The following ENTPD5 variants were observed in gnomAD, a reference collection of about 807,000 sequenced individuals.
The protein encoded by ENTPD5 is ectonucleoside triphosphate diphosphohydrolase 5 (inactive).
Under a neutral mutation model 60.2 loss-of-function variants are expected in ENTPD5, and 49 were observed. That is an observed-to-expected ratio of 0.81 (90% CI 0.65 to 1.03). The LOEUF (loss-of-function observed/expected upper bound fraction) is 1.03, where lower values mean the gene tolerates loss of function less well. Ranked by LOEUF, ENTPD5 falls within the 50% of genes least tolerant of loss-of-function variation. ENTPD5 has a pLI of 0.00. For synonymous variants in ENTPD5, 187 were observed against 185.4 expected, an observed-to-expected ratio of 1.01 and a Z score of -0.07; for missense variants, 480 against 507.6, an observed-to-expected ratio of 0.95 and a Z score of 0.52.
intron 3 of ENTPD5, among the ~76,000 whole-genome samples, chr14:73,998,615 A>G (rs922200626): frequency 3.3e-5 from 5 of 152,154 alleles, no homozygotes; most frequent in African/African-American, 1.2e-4. Flanking sequence ...AATTACCTCT[A>G]TAAAGTGAAA....
downstream of ENTPD5, chr14:73,961,926 G>A: frequency 6.2e-7 from 1 of 1,613,622 alleles, no homozygotes; most frequent in Non-Finnish European, 8.5e-7. Context: ...TCAGAGGAAT[G>A]ACTTTGCAAA....
At chr14:73,993,572 C>T (rs893018409) in intron 3 of ENTPD5, among the ~76,000 whole-genome samples, 1 of 152,226 alleles carries the variant, frequency 6.6e-6, no homozygotes, top group African/African-American at 2.4e-5. Flanking sequence ...CAGGTTCACA[C>T]TCTGGCTGAT....
intron 3 of ENTPD5, among the ~76,000 whole-genome samples, chr14:73,995,546 C>T (rs2058312014): frequency 6.6e-6 from 1 of 151,346 alleles, no homozygotes; most frequent in Non-Finnish European, 1.5e-5. Context: ...AAGTGTGCCA[C>T]TGCACTCCAG....
chr14:74,005,448 CCT>C (rs780411943), intron 3 of ENTPD5, among the ~76,000 whole-genome samples: 115 of 151,806 alleles, frequency 7.6e-4, no homozygotes, highest in Non-Finnish European at 1.4e-3. Flanking sequence ...CAATCCTCCA[CCT>C]TGGCCTCTCA....
intron 2 of ENTPD5, among the ~76,000 whole-genome samples, 157 bp downstream of exon 2, chr14:74,015,667 T>C (rs991229953): frequency 1.3e-5 from 2 of 152,142 alleles, no homozygotes; most frequent in African/African-American, 4.8e-5. Context: ...ATTCTATCTA[T>C]TTTGATACAT....
At chr14:74,003,106 C>T (rs1594940711) in intron 3 of ENTPD5, among the ~76,000 whole-genome samples, 2 of 152,200 alleles carry the variant, frequency 1.3e-5, no homozygotes, top group South Asian at 4.1e-4. Context: ...AACCTCTCAC[C>T]TTCACATGCT....
At chr14:74,009,270 G>A (rs1366888898) in intron 3 of ENTPD5, 1 of 152,210 alleles carries the variant, frequency 6.6e-6, no homozygotes, top group Non-Finnish European at 1.5e-5. Flanking sequence ...AATCTGAGGT[G>A]ATAAGCTCTG....
chr14:73,959,605 C>T (rs1006854552), downstream of ENTPD5: 8 of 1,603,610 alleles, frequency 5.0e-6, no homozygotes, highest in Admixed American at 1.2e-4. Context: ...GAAACGGATC[C>T]TTGCCAGGCT....
downstream of ENTPD5, chr14:73,956,052 C>T (rs530698001): frequency 2.1e-4 from 292 of 1,402,200 alleles, no homozygotes; most frequent in Middle Eastern, 1.1e-3. Context: ...TGGCCGGGTG[C>T]GGTGGCTCAC....
intron 5 of ENTPD5, among the ~76,000 whole-genome samples, chr14:73,984,677 TTTC>T (rs1385429524): frequency 1.1e-4 from 17 of 151,942 alleles, no homozygotes; most frequent in Non-Finnish European, 1.9e-4. Context: ...GCTCCTAATT[TTTC>T]TTTTTTAATT....
downstream of ENTPD5, chr14:73,958,301 T>C (rs2056540614): frequency 6.2e-7 from 1 of 1,613,532 alleles, no homozygotes; most frequent in Non-Finnish European, 8.5e-7. Flanking sequence ...CTTATTTTGC[T>C]AGGGGTCTTG....
In ENTPD5 at chr14:74,003,431, T is replaced by G. The variant is rs937501729; in HGVS notation, c.-71+7660A>C. 31 of 1,225,008 alleles carry G rather than the reference T, an allele frequency of 2.5e-5. No homozygotes were observed. In the African/African-American group the frequency reaches 3.8e-4, roughly 15 times the overall value. The allele number at this position is 1,225,008 out of a possible 1,614,324, so 75.9% of individuals were successfully genotyped here. ...AGTGGAGGAAAAAGCGAATGTGCAGTCTGAAGCACAAAAGAAGAAAGATGA... is the reference window on the plus strand; with the variant it reads ...AGTGGAGGAAAAAGCGAATGTGCAGGCTGAAGCACAAAAGAAGAAAGATGA... On this transcript the variant is annotated intron_variant, in intron 3 of 15. Coordinates refer to ENST00000334696, the MANE Select transcript of ENTPD5 (RefSeq NM_001249.5).
rs1422528516 is a variant in ENTPD5 at position 73,964,180 on chromosome 14, C to G, written c.*2748G>C. ...CAAGATGAAGAATTTTAAGGCACAC[C>G]TCCATTGGCCCACAGAGAGTGTTCT... On this transcript the variant is annotated 3_prime_UTR_variant, in exon 16 of 16. Coordinates refer to ENST00000334696, the MANE Select transcript of ENTPD5 (RefSeq NM_001249.5). The G allele has an allele frequency of 6.6e-6, 1 of 152,138 alleles. No homozygotes were observed. Among genetic ancestry groups the G allele is most frequent in the East Asian group, 1.9e-4 (1 of 5,196 alleles). The allele number at this position is 152,138 out of a possible 1,614,324, so 9.4% of individuals were successfully genotyped here. A position where few individuals can be genotyped will look rare whatever the true frequency, so the allele number is the denominator to read the frequency against.
At chr14:73,987,096 C>T (rs1441008757) in intron 4 of ENTPD5, 1 of 704,198 alleles carries the variant, frequency 1.4e-6, no homozygotes, top group Non-Finnish European at 2.6e-6. Context: ...GCTACCATTT[C>T]TCTGGTGGAC....
intron 14 of ENTPD5, among the ~76,000 whole-genome samples, chr14:73,970,429 T>C (rs113074000): frequency 0.025 from 3,798 of 150,006 alleles, 163 homozygotes; most frequent in African/African-American, 0.089. Context: ...AAGGCAGAGG[T>C]TGCAGTGAGC....
At chr14:73,961,590 G>C (rs781288769), downstream of ENTPD5, 4 of 1,612,634 alleles carry the variant, frequency 2.5e-6, no homozygotes, top group South Asian at 4.4e-5. Flanking sequence ...CAGATACTAT[G>C]GGGAAGTATC....
intron 11 of ENTPD5, among the ~76,000 whole-genome samples, 186 bp downstream of exon 11, chr14:73,974,738 C>T (rs1243617116): frequency 6.6e-6 from 1 of 152,188 alleles, no homozygotes; most frequent in Non-Finnish European, 1.5e-5. Context: ...TAATAATATA[C>T]ATCAAAACTT....
intron 3 of ENTPD5, among the ~76,000 whole-genome samples, chr14:74,010,655 T>C (rs1344528793): frequency 6.6e-6 from 1 of 152,166 alleles, no homozygotes; most frequent in Non-Finnish European, 1.5e-5. Context: ...TGATTATCAG[T>C]TATATTTTCC....
intron 2 of ENTPD5, among the ~76,000 whole-genome samples, chr14:74,011,537 C>A (rs2058844987): frequency 6.6e-6 from 1 of 152,136 alleles, no homozygotes. Flanking sequence ...CAACTCACGC[C>A]TATAATCCTA....
Sources: gnomAD v4.1 joint callset for allele counts (sites outside exome capture counted in the v4.1 genomes callset) on GRCh38, gnomAD v4.1.1 for gene constraint, MANE v1.5 for transcripts, NCBI Gene and HGNC (gene_info 2026-07-23, HGNC 2026-07-21) for gene names.